Variants in KALRN observed in about 807,000 individuals in gnomAD.
KALRN encodes the protein kalirin.
In KALRN, 70 loss-of-function variants were observed where a neutral mutation model predicts 353.7. That is an observed-to-expected ratio of 0.20 (90% CI 0.16 to 0.24). KALRN has a LOEUF of 0.24. Ranked by LOEUF, KALRN falls within the 10% of genes least tolerant of loss-of-function variation. KALRN has a pLI of 1.00. For synonymous variants in KALRN, 1,391 were observed against 1,434.8 expected (o/e 0.97, Z 0.69); for missense variants, 2,791 against 3,756.7 (o/e 0.74, Z 6.72).
At chr3:124,687,590 T>G (rs1466831479) in intron 51 of KALRN, among the ~76,000 whole-genome samples, 7 of 150,960 alleles carry the variant, frequency 4.6e-5, no homozygotes, top group African/African-American at 7.2e-5. Flanking sequence ...AAACAATCAA[T>G]GTACTTGACA....
intron 10 of KALRN, among the ~76,000 whole-genome samples, chr3:124,349,462 T>C (rs1363368725): frequency 6.6e-6 from 1 of 152,208 alleles, no homozygotes; most frequent in Non-Finnish European, 1.5e-5. Context: ...TTTGCAATTT[T>C]TTTTTAGCTC....
chr3:124,058,448 G>A (rs1406718700), intron 1 of KALRN, among the ~76,000 whole-genome samples: 7 of 152,136 alleles, frequency 4.6e-5, no homozygotes, highest in Admixed American at 3.9e-4. Context: ...AGCAGAACAG[G>A]TTGTGAACTA....
intron 33 of KALRN, among the ~76,000 whole-genome samples, chr3:124,539,037 C>T (rs1031818347): frequency 3.3e-5 from 5 of 152,126 alleles, no homozygotes; most frequent in African/African-American, 4.8e-5. Context: ...TGGTGCAGAT[C>T]ACTGTGAAAG....
chr3:124,344,080 T>A (rs2082031719), intron 9 of KALRN, among the ~76,000 whole-genome samples: 1 of 152,218 alleles, frequency 6.6e-6, no homozygotes, highest in Admixed American at 6.5e-5. Flanking sequence ...CTGACTATGA[T>A]TGGTAATTGA....
intron 13 of KALRN, among the ~76,000 whole-genome samples, chr3:124,405,249 C>T (rs1188946057): frequency 2.0e-5 from 3 of 152,172 alleles, no homozygotes; most frequent in East Asian, 1.9e-4. Context: ...CACCTGTTTT[C>T]AGTAGAACTG....
At chr3:124,048,157 A>C (rs2149126363) in intron 1 of KALRN, among the ~76,000 whole-genome samples, 1 of 152,278 alleles carries the variant, frequency 6.6e-6, no homozygotes, top group Non-Finnish European at 1.5e-5. Context: ...AAGCCAATTG[A>C]CCTTTATATG....
chr3:124,695,275 T>C (rs1196017526), intron 53 of KALRN, among the ~76,000 whole-genome samples: 1 of 152,226 alleles, frequency 6.6e-6, no homozygotes, highest in Non-Finnish European at 1.5e-5. Flanking sequence ...GACTGTGTAC[T>C]GTTGCTTACA....
chr3:124,645,815 A>T (rs2082643727), intron 37 of KALRN, among the ~76,000 whole-genome samples: 1 of 152,100 alleles, frequency 6.6e-6, no homozygotes, highest in Non-Finnish European at 1.5e-5. Context: ...TTGCGTATAT[A>T]CCCAGAAGAG....
Position 124,033,720 on chromosome 3 carries a change from C to G in KALRN, c.-21C>G, listed in dbSNP as rs953379090. On this transcript the variant is annotated 5_prime_UTR_variant, in exon 1 of 60. Coordinates refer to ENST00000682506, the MANE Select transcript of KALRN (RefSeq NM_001388419.1). The surrounding 1 kb of genome is among the most constrained non-coding windows in gnomAD (Gnocchi z 6.2). ...CAGGCTTCTTCGGCTCCCGGCTGCC[C>G]GCGGACGCCCTCCCACAGTCATGAA... is the stretch of plus-strand genomic sequence containing the variant. Among the ~76,000 whole-genome samples the G allele has an allele frequency of 1.3e-5, 2 of 151,964 alleles. No homozygotes were observed. Among genetic ancestry groups the G allele is most frequent in the Non-Finnish European group, 2.9e-5 (2 of 67,946 alleles).
Position 124,137,034 on chromosome 3 carries a change from C to T in KALRN, c.74-90956C>T, listed in dbSNP as rs144574700. Among the ~76,000 whole-genome samples the T allele has an allele frequency of 2.0e-5, 3 of 148,366 alleles. No individual in the cohort carries two copies. The Admixed American group carries it at 2.1e-4, about 10-fold the overall frequency. ...GGCACCTGGAAAGAATGTTTGAGGCCACAGCAGGAATGGTGTGTTTGGGAG... is the reference window on the plus strand; with the variant it reads ...GGCACCTGGAAAGAATGTTTGAGGCTACAGCAGGAATGGTGTGTTTGGGAG... On this transcript the variant is annotated intron_variant, in intron 1 of 59. Transcript: ENST00000682506.
intron 3 of KALRN, among the ~76,000 whole-genome samples, chr3:124,254,657 G>A (rs1430564985): frequency 7.2e-5 from 11 of 152,134 alleles, no homozygotes; most frequent in Non-Finnish European, 1.2e-4. Context: ...TCATGTGTTC[G>A]GTAAGTTAGC....
At chr3:124,667,397 T>C (rs1559809142) in intron 47 of KALRN, among the ~76,000 whole-genome samples, 1 of 152,232 alleles carries the variant, frequency 6.6e-6, no homozygotes, top group Non-Finnish European at 1.5e-5. Context: ...ATCTTTCTGA[T>C]AGAAGAGATT....
chr3:124,700,070 G>C, intron 56 of KALRN, 37 bp downstream of exon 56: 1 of 1,606,290 alleles, frequency 6.2e-7, no homozygotes, highest in Non-Finnish European at 8.5e-7. Context: ...CCAGGCAGTG[G>C]GATTGAGGCA....
chr3:124,643,285 T>C (rs2082312075), intron 37 of KALRN, among the ~76,000 whole-genome samples: 2 of 151,854 alleles, frequency 1.3e-5, no homozygotes, highest in South Asian at 4.2e-4. Context: ...AGTGCCAGGA[T>C]TGCAGGTGTG....
intron 1 of KALRN, among the ~76,000 whole-genome samples, chr3:124,043,235 G>T (rs2040129214): frequency 6.6e-6 from 1 of 152,126 alleles, no homozygotes; most frequent in Non-Finnish European, 1.5e-5. Flanking sequence ...AGGAAGTGGT[G>T]GGAGTGCATA....
intron 6 of KALRN, among the ~76,000 whole-genome samples, chr3:124,309,547 C>A (rs1383440346): frequency 6.6e-6 from 1 of 151,958 alleles, no homozygotes; most frequent in Non-Finnish European, 1.5e-5. Flanking sequence ...GGGGACAGAG[C>A]AAGACCCCAT....
In KALRN at chr3:124,165,693, C is replaced by T. The variant is rs571155973; in HGVS notation, c.74-62297C>T. The stretch of plus-strand genomic sequence containing the variant: ...CATAGCTCCTGTACTTTGTAATGGC[C>T]TGCCTTGCACTCATTCTTCCTGTAT... On this transcript the variant is annotated intron_variant, in intron 1 of 59. Transcript: ENST00000682506. 1.5e-4 allele frequency among the ~76,000 whole-genome samples: 23 copies of T among 152,338 alleles called. No homozygotes were observed. The South Asian group carries it at 4.6e-3, about 30-fold the overall frequency.
chr3:124,047,921 A>G (rs1225745083), intron 1 of KALRN, among the ~76,000 whole-genome samples: 1 of 152,194 alleles, frequency 6.6e-6, no homozygotes, highest in African/African-American at 2.4e-5. Flanking sequence ...CTGTAATTCT[A>G]TCACCCAGAG....
intron 11 of KALRN, among the ~76,000 whole-genome samples, chr3:124,391,368 T>TG (rs1436841684): frequency 6.6e-6 from 1 of 151,814 alleles, no homozygotes; most frequent in Non-Finnish European, 1.5e-5. Flanking sequence ...TGGAAGACAG[T>TG]GGGGGAAAAA....
Sources: allele counts gnomAD v4.1 joint callset (sites outside exome capture counted in the v4.1 genomes callset), GRCh38; gene constraint gnomAD v4.1.1; non-coding constraint Gnocchi (gnomAD v3.1); transcripts MANE v1.5; gene names NCBI Gene and HGNC (gene_info 2026-07-23, HGNC 2026-07-21).